Variants in INTS11 observed in about 807,000 individuals in gnomAD.
INTS11 encodes CPSF3-like protein.
In INTS11, 77 loss-of-function variants were observed where a neutral mutation model predicts 78.6. The ratio of observed to expected loss-of-function variants is 0.98; its 90% CI spans 0.81 to 1.18. INTS11 has a LOEUF of 1.18. INTS11 is among the 50% of genes most tolerant of loss of function. The pLI, the probability that INTS11 is intolerant of heterozygous loss-of-function variation, is 0.00. For synonymous variants in INTS11, 441 were observed against 326.9 expected, an observed-to-expected ratio of 1.35 and a Z score of -3.77; for missense variants, 875 against 825.9, an observed-to-expected ratio of 1.06 and a Z score of -0.73.
intron 1 of INTS11, among the ~76,000 whole-genome samples, chr1:1,323,691 G>A (rs1343543893): frequency 1.3e-5 from 2 of 151,212 alleles, no homozygotes; most frequent in East Asian, 2.0e-4. Context: ...GATTGCAGGC[G>A]TGAGCCACAG....
chr1:1,313,253 CT>C, intron 10 of INTS11, 129 bp from the exon 11 acceptor site: 1 of 1,106,616 alleles, frequency 9.0e-7, no homozygotes, highest in South Asian at 1.4e-5. Context: ...CCAAGCCTAG[CT>C]GCAGACTCCA....
intron 2 of INTS11, 106 bp from the exon 3 acceptor site, chr1:1,320,635 G>A: frequency 8.9e-7 from 1 of 1,126,802 alleles, no homozygotes; most frequent in Non-Finnish European, 1.4e-6. Context: ...TCTATGTGCA[G>A]ACTCAGGCTG....
chr1:1,318,784 G>A (rs1286741738), intron 4 of INTS11: 2 of 552,610 alleles, frequency 3.6e-6, no homozygotes, highest in Non-Finnish European at 6.6e-6. Flanking sequence ...GCAATACCCA[G>A]AGATTCGAGT....
chr1:1,314,089 C>A lies in INTS11; in HGVS notation c.768-168G>T. ...TAAGCCCTGCAGCAGCCGGGCTCAG[C>A]GGAGAACCAGGAACCCCTACAAGAG... On this transcript the variant is annotated intron_variant, in intron 8 of 16. Coordinates refer to ENST00000435064, the MANE Select transcript of INTS11 (RefSeq NM_017871.6). The surrounding 1 kb of genome is among the most constrained non-coding windows in gnomAD (Gnocchi z 4.2). 1 of 793,870 alleles carries A rather than the reference C, an allele frequency of 1.3e-6. No individual in the cohort carries two copies. Among genetic ancestry groups the A allele is most frequent in the Non-Finnish European group, 2.0e-6 (1 of 494,064 alleles). 49.2% of individuals were successfully genotyped at this position (793,870 alleles called of 1,614,324 possible).
rs1557634184 is a variant in INTS11, at chr1:1,314,347, C to CG, written c.720dup (p.Ala241ArgfsTer61). 8.1e-6 allele frequency: 13 copies of CG among 1,607,798 alleles called. No individual in the cohort carries two copies. The highest frequency in any genetic ancestry group is 1.1e-5 in the Non-Finnish European group (13 of 1,177,916). On this transcript the variant is annotated frameshift_variant, in exon 8 of 17. Coordinates refer to ENST00000435064, the MANE Select transcript of INTS11 (RefSeq NM_017871.6). LOFTEE classifies it high-confidence loss of function. This position sits in a 1 kb window ranked among gnomAD's most constrained non-coding sequence, Gnocchi z 4.2. ...CAGAGCTCCTGGGCGCGGCCCAGCG[C>CG]GAACACAGGTATCAGCACCTGAGGG...
rs993504139 is a variant in INTS11 at position 1,315,851 on chromosome 1, C to T, written c.430-233G>A. 3.1e-3 allele frequency among the ~76,000 whole-genome samples: 130 copies of T among 42,024 alleles called. 3 individuals carry two copies. Among genetic ancestry groups the T allele is most frequent in the Non-Finnish European group, 4.0e-4 (8 of 19,934 alleles). 27.6% of individuals were successfully genotyped at this position (42,024 alleles called of 152,430 possible). On this transcript the variant is annotated intron_variant, in intron 4 of 16. Coordinates refer to ENST00000435064, the MANE Select transcript of INTS11 (RefSeq NM_017871.6). ...GGCGGGGGCAGGGAGGGAGGCGGGG[C>T]GGGGAGCGAGGGCACTGCACTGAGC...
At chr1:1,319,664 G>A (rs1049174147) in intron 3 of INTS11, 140 bp from the exon 4 acceptor site, 2 of 612,360 alleles carry the variant, frequency 3.3e-6, no homozygotes, top group Non-Finnish European at 5.7e-6. Flanking sequence ...TCAGTAATGA[G>A]CAAACACAAA....
At chr1:1,320,263 C>T (rs1282215959) in intron 3 of INTS11, 193 bp downstream of exon 3, 10 of 601,322 alleles carry the variant, frequency 1.7e-5, no homozygotes, top group Admixed American at 5.9e-5. Context: ...AGGGCAGGGC[C>T]GGAAGAACAG....
chr1:1,321,100 G>A lies in INTS11; in HGVS notation c.29-7C>T, dbSNP rs766570635. On this transcript the variant is annotated splice_polypyrimidine_tract_variant and splice_region_variant and intron_variant, in intron 1 of 16. Coordinates refer to ENST00000435064, the MANE Select transcript of INTS11 (RefSeq NM_017871.6). ...CCCACGTCCTGGCCGGCCCCTACTCGAGGGAGGGCAGATGAGTCACTGCTG... is the reference window on the plus strand; with the variant it reads ...CCCACGTCCTGGCCGGCCCCTACTCAAGGGAGGGCAGATGAGTCACTGCTG... 45 of 1,606,128 alleles carry A rather than the reference G, an allele frequency of 2.8e-5. No individual in the cohort carries two copies. Among genetic ancestry groups the A allele is most frequent in the South Asian group, 1.4e-4 (13 of 90,426 alleles).
intron 10 of INTS11, 138 bp downstream of exon 10, chr1:1,313,371 C>T: frequency 9.7e-7 from 1 of 1,029,214 alleles, no homozygotes; most frequent in South Asian, 1.5e-5. Context: ...GCGGACATCG[C>T]CCCCGTTCCC....
chr1:1,315,056 C>T (rs1642495760), intron 6 of INTS11, 94 bp from the exon 7 acceptor site: 1 of 1,479,538 alleles, frequency 6.8e-7, no homozygotes, highest in Admixed American at 1.8e-5. Flanking sequence ...CCACGCCCAG[C>T]CGCCTTCCTA....
intron 6 of INTS11, 195 bp downstream of exon 6, chr1:1,315,206 GAGA>G (rs981157370): frequency 2.8e-5 from 21 of 740,330 alleles, no homozygotes; most frequent in African/African-American, 2.3e-4. Context: ...TGGGAAGAGA[GAGA>G]AGGAGGGACA....
chr1:1,313,179 G>A (rs1642344905), intron 10 of INTS11, 55 bp from the exon 11 acceptor site: 2 of 1,550,226 alleles, frequency 1.3e-6, no homozygotes, highest in Admixed American at 1.8e-5. Context: ...GCACCTCAAG[G>A]CCTTGCCCGG....
chr1:1,313,872 C>T lies in INTS11; in HGVS notation c.817G>A (p.Glu273Lys), dbSNP rs551665100. Reference protein sequence around the residue: ...VPIYFSTGLTEKANHYYKLFI... With the variant: ...VPIYFSTGLTKKANHYYKLFI... ...AGCTTGTAGTAGTGGTTGGCCTTCT[C>T]GGTCAGCCCCGTGGAGAAGTAGATG... The change falls in exon 9 of 17, where the codon GAG (glutamate) becomes AAG (lysine). Residue 273 changes from glutamate (E) to lysine (K), a missense_variant. Transcript: ENST00000435064. 8.1e-6 allele frequency: 13 copies of T among 1,613,210 alleles called. No individual in the cohort carries two copies. In the African/African-American group the frequency reaches 1.1e-4, roughly 13 times the overall value.
In INTS11 at chr1:1,312,130, CAG is replaced by C. The variant is rs1215662832; in HGVS notation, c.1623_1624del (p.His541GlnfsTer24). ...AGAGCCGTCTGGGAGGTGCTGCACA[CAG>C]TGGTCCTTCAGGACGCTGTGGGGAG... On this transcript the variant is annotated frameshift_variant, in exon 16 of 17. Transcript: ENST00000435064. LOFTEE classifies it high-confidence loss of function. 1.3e-6 allele frequency: 2 copies of C among 1,555,694 alleles called. No homozygotes were observed. The highest frequency in any genetic ancestry group is 1.7e-6 in the Non-Finnish European group (2 of 1,152,106).
Position 1,312,213 on chromosome 1 carries a change from G to GCCGGGGGCCCCCCCCCCCCCCCCCC in INTS11, c.1607+12_1607+13insGGGGGGGGGGGGGGGGGGCCCCCGG. 5 of 934,616 alleles carry GCCGGGGGCCCCCCCCCCCCCCCCCC rather than the reference G, an allele frequency of 5.3e-6. No homozygotes were observed. Among genetic ancestry groups the GCCGGGGGCCCCCCCCCCCCCCCCCC allele is most frequent in the African/African-American group, 1.8e-5 (1 of 55,394 alleles). The allele number at this position is 934,616 out of a possible 1,614,324, so 57.9% of individuals were successfully genotyped here. ...CCCAAGGGAGTGGGGGGGGGGCGGG[G>GCCGGGGGCCCCCCCCCCCCCCCCCC]CCGGGCGCCCACCTCTTGAGGTGGC... On this transcript the variant is annotated intron_variant, in intron 15 of 16. Transcript: ENST00000435064.
intron 14 of INTS11, 32 bp downstream of exon 14, chr1:1,312,408 C>T (rs1210873272): frequency 6.4e-7 from 1 of 1,565,188 alleles, no homozygotes; most frequent in Admixed American, 1.9e-5. Flanking sequence ...AGCAGCGGCC[C>T]TCCCCCCTCC....
Position 1,312,211 on chromosome 1 carries a change from G to A in INTS11, c.1607+15C>T. Reference sequence around the variant, plus strand: ...GGCCCAAGGGAGTGGGGGGGGGGCGGGGCCGGGCGCCCACCTCTTGAGGTG... The same window carrying A: ...GGCCCAAGGGAGTGGGGGGGGGGCGAGGCCGGGCGCCCACCTCTTGAGGTG... On this transcript the variant is annotated intron_variant, in intron 15 of 16. Coordinates refer to ENST00000435064, the MANE Select transcript of INTS11 (RefSeq NM_017871.6). The A allele has an allele frequency of 1.1e-6, 1 of 935,636 alleles. No individual in the cohort carries two copies. The highest frequency in any genetic ancestry group is 2.9e-5 in the East Asian group (1 of 34,434). The allele number at this position is 935,636 out of a possible 1,614,324, so 58.0% of individuals were successfully genotyped here.
rs1336564897 is a variant in INTS11 at position 1,311,892 on chromosome 1, C to T, written c.1770G>A (p.Leu590=). ...DEELGSFLTS[L]LKKGLPQAPS The stretch of plus-strand genomic sequence containing the variant: ...GGGCCTGGGGGAGGCCCTTCTTCAG[C>T]AGAGATGTGAGGAAGCTCCCCAGCT... The change falls in exon 17 of 17, where the codon CTG becomes CTA. Residue 590 remains leucine (L), a synonymous_variant. Transcript: ENST00000435064. The T allele has an allele frequency of 1.9e-6, 3 of 1,571,292 alleles. No homozygotes were observed. Among genetic ancestry groups the T allele is most frequent in the Non-Finnish European group, 8.6e-7 (1 of 1,158,166 alleles).
Sources: allele counts gnomAD v4.1 joint callset (sites outside exome capture counted in the v4.1 genomes callset), GRCh38; gene constraint gnomAD v4.1.1; non-coding constraint Gnocchi (gnomAD v3.1); transcripts MANE v1.5; gene names NCBI Gene and HGNC (gene_info 2026-07-23, HGNC 2026-07-21).